Variants in EPS8 observed in about 807,000 individuals in gnomAD.
EPS8 encodes the protein EGFR pathway substrate 8, signaling adaptor, also known as epidermal growth factor receptor kinase substrate 8.
A neutral mutation model predicts 103.8 loss-of-function variants in EPS8; 42 were observed. The ratio of observed to expected loss-of-function variants is 0.40; its 90% confidence interval spans 0.32 to 0.52. EPS8 has a LOEUF of 0.52. EPS8 is among the 20% of genes least tolerant of loss of function. The pLI is 0.40. For missense variants in EPS8, 969 were observed against 1,005.1 expected (o/e 0.96, Z 0.49); for synonymous variants, 344 against 344.6 (o/e 1.00, Z 0.02).
intron 1 of EPS8, among the ~76,000 whole-genome samples, chr12:15,703,994 C>G (rs773561836): frequency 1.6e-4 from 25 of 151,924 alleles, no homozygotes; most frequent in Non-Finnish European, 3.4e-4. Context: ...AGAGACCACA[C>G]TTCCTAGAAT....
intron 9 of EPS8, among the ~76,000 whole-genome samples, chr12:15,661,597 G>A (rs932246766): frequency 6.6e-6 from 1 of 152,000 alleles, no homozygotes; most frequent in South Asian, 2.1e-4. Context: ...AAAGCTTTAC[G>A]ATTTACAAAT....
intron 1 of EPS8, among the ~76,000 whole-genome samples, chr12:15,743,965 T>C (rs1486235897): frequency 1.3e-5 from 2 of 151,850 alleles, no homozygotes; most frequent in African/African-American, 4.8e-5. Context: ...ACCATCAGAG[T>C]CAACAGGCAA....
In EPS8 at chr12:15,642,878, G is replaced by C. The variant is rs568122787; in HGVS notation, c.1569-1048C>G. Among the ~76,000 whole-genome samples, 4 of 152,260 alleles carry C rather than the reference G, an allele frequency of 2.6e-5. No individual in the cohort carries two copies. The East Asian group carries it at 7.7e-4, about 29-fold the overall frequency. On this transcript the variant is annotated intron_variant, in intron 15 of 20. Coordinates refer to ENST00000281172, the MANE Select transcript of EPS8 (RefSeq NM_004447.6). Reference sequence around the variant, plus strand: ...CCTCTTAGGTAGTAACTCCATTGGAGGAGGGAGACAGGGACAAAGCAAAAA... The same window carrying C: ...CCTCTTAGGTAGTAACTCCATTGGACGAGGGAGACAGGGACAAAGCAAAAA...
In EPS8 at chr12:15,701,175, A is replaced by G. The variant is rs1946307192; in HGVS notation, c.-21-18203T>C. ...GAATCAACTGTGTCACCAATATTTA[A>G]TAATAATTTACAAAAACAATAACAC... is the stretch of plus-strand genomic sequence containing the variant. On this transcript the variant is annotated intron_variant, in intron 1 of 20. Coordinates refer to ENST00000281172, the MANE Select transcript of EPS8 (RefSeq NM_004447.6). The surrounding 1 kb of genome is among the most constrained non-coding windows in gnomAD (Gnocchi z 5.1). Among the ~76,000 whole-genome samples the G allele has an allele frequency of 6.6e-6, 1 of 152,248 alleles. No individual in the cohort carries two copies. The highest frequency in any genetic ancestry group is 6.5e-5 in the Admixed American group (1 of 15,282).
At chr12:15,686,637 T>G (rs1008292490) in intron 1 of EPS8, among the ~76,000 whole-genome samples, 1 of 152,148 alleles carries the variant, frequency 6.6e-6, no homozygotes, top group Non-Finnish European at 1.5e-5. Flanking sequence ...AAAAAATGAC[T>G]AAGAAGAAAT....
intron 18 of EPS8, among the ~76,000 whole-genome samples, chr12:15,626,729 AC>A (rs1429746345): frequency 2.0e-5 from 3 of 151,196 alleles, no homozygotes; most frequent in Non-Finnish European, 2.9e-5. Context: ...GCCCTACAAG[AC>A]CTCCACCACT....
chr12:15,658,710 C>T (rs538029725), intron 10 of EPS8, 125 bp from the exon 11 acceptor site: 7 of 673,416 alleles, frequency 1.0e-5, no homozygotes, highest in Admixed American at 2.4e-5. Flanking sequence ...ACCTAGTTAC[C>T]GTGCTACATC....
chr12:15,670,990 T>C (rs1176963644), intron 3 of EPS8, 67 bp from the exon 4 acceptor site: 32 of 1,151,346 alleles, frequency 2.8e-5, no homozygotes, highest in Non-Finnish European at 3.8e-5. Flanking sequence ...GTTGGTATCA[T>C]GTGGCTATCT....
In EPS8 at chr12:15,764,238, G is replaced by A. The variant is rs1354178914; in HGVS notation, c.-22+24923C>T. Among the ~76,000 whole-genome samples the A allele has an allele frequency of 6.6e-6, 1 of 152,104 alleles. No individual in the cohort carries two copies. Among genetic ancestry groups the A allele is most frequent in the Non-Finnish European group, 1.5e-5 (1 of 68,010 alleles). Reference sequence around the variant, plus strand: ...TTCACTGTCACAAGAACAGCACCACGGGAAAGACCCACCCCCATGATTCAG... The same window carrying A: ...TTCACTGTCACAAGAACAGCACCACAGGAAAGACCCACCCCCATGATTCAG... On this transcript the variant is annotated intron_variant, in intron 1 of 20. Transcript: ENST00000281172. This position sits in a 1 kb window ranked among gnomAD's most constrained non-coding sequence, Gnocchi z 4.1.
In EPS8 at chr12:15,776,492, C is replaced by T. The variant is rs967452320; in HGVS notation, c.-22+12669G>A. ...ACCTAGATTGGCCTCTATGCATCAGCAAGCATTTGTTACACCTAATACCCA... is the reference window on the plus strand; with the variant it reads ...ACCTAGATTGGCCTCTATGCATCAGTAAGCATTTGTTACACCTAATACCCA... On this transcript the variant is annotated intron_variant, in intron 1 of 20. Coordinates refer to ENST00000281172, the MANE Select transcript of EPS8 (RefSeq NM_004447.6). This position sits in a 1 kb window ranked among gnomAD's most constrained non-coding sequence, Gnocchi z 4.2. Among the ~76,000 whole-genome samples the T allele has an allele frequency of 2.0e-5, 3 of 152,170 alleles. No homozygotes were observed. Among genetic ancestry groups the T allele is most frequent in the African/African-American group, 7.2e-5 (3 of 41,438 alleles).
chr12:15,655,603 G>A (rs548611114), intron 12 of EPS8, among the ~76,000 whole-genome samples: 9 of 152,172 alleles, frequency 5.9e-5, no homozygotes, highest in East Asian at 1.9e-4. Flanking sequence ...AACCTCGAAC[G>A]CATTTCCAAT....
rs1659294415 is a variant in EPS8, at chr12:15,778,762, G to A, written c.-22+10399C>T. ...ATATAAACATAAACAAGCTGTTCAT[G>A]CCTTTATGGGGGGAATAAAGGTAGT... On this transcript the variant is annotated intron_variant, in intron 1 of 20. Transcript: ENST00000281172. The surrounding 1 kb of genome is among the most constrained non-coding windows in gnomAD (Gnocchi z 4.5). Among the ~76,000 whole-genome samples, 5 of 152,180 alleles carry A rather than the reference G, an allele frequency of 3.3e-5. No individual in the cohort carries two copies. In the South Asian group the frequency reaches 1.0e-3, roughly 32 times the overall value.
At chr12:15,741,236 G>A (rs1452945149) in intron 1 of EPS8, among the ~76,000 whole-genome samples, 1 of 152,124 alleles carries the variant, frequency 6.6e-6, no homozygotes, top group Non-Finnish European at 1.5e-5. Flanking sequence ...AAGTCCAATG[G>A]GGTAACAGAG....
chr12:15,667,922 G>A (rs142613769), intron 6 of EPS8, among the ~76,000 whole-genome samples: 4 of 152,168 alleles, frequency 2.6e-5, no homozygotes, highest in African/African-American at 9.6e-5. Flanking sequence ...CAAGCCATTT[G>A]TTCCCAAACC....
At chr12:15,664,004 C>T (rs1159455116) in intron 8 of EPS8, among the ~76,000 whole-genome samples, 1 of 128,884 alleles carries the variant, frequency 7.8e-6, no homozygotes, top group Non-Finnish European at 1.6e-5. Context: ...TATGGTTCAA[C>T]ATATAATATA....
chr12:15,739,692 T>A (rs1946800527), intron 1 of EPS8, among the ~76,000 whole-genome samples: 1 of 152,164 alleles, frequency 6.6e-6, no homozygotes, highest in African/African-American at 2.4e-5. Flanking sequence ...GTTCTCCAGC[T>A]TGCAGATGGC....
chr12:15,642,427 CACTATAAACTTTTAAA>C (rs1325866966), intron 15 of EPS8, among the ~76,000 whole-genome samples: 1 of 151,924 alleles, frequency 6.6e-6, no homozygotes, highest in Non-Finnish European at 1.5e-5. Flanking sequence ...TAATTTAATT[CACTATAAACTTTTAAA>C]AAGTGTATGG....
intron 1 of EPS8, among the ~76,000 whole-genome samples, chr12:15,705,815 A>G (rs1946378472): frequency 6.6e-6 from 1 of 152,172 alleles, no homozygotes; most frequent in Admixed American, 6.5e-5. Flanking sequence ...CACTAACCTC[A>G]ACGGCTAGCC....
intron 17 of EPS8, among the ~76,000 whole-genome samples, chr12:15,638,054 AT>A (rs954178811): frequency 5.9e-5 from 9 of 152,176 alleles, no homozygotes; most frequent in African/African-American, 1.9e-4. Flanking sequence ...CTACATAAAT[AT>A]GGTGGTATCT....
Sources: allele counts gnomAD v4.1 joint callset (sites outside exome capture counted in the v4.1 genomes callset), GRCh38; gene constraint gnomAD v4.1.1; non-coding constraint Gnocchi (gnomAD v3.1); transcripts MANE v1.5; gene names NCBI Gene and HGNC (gene_info 2026-07-23, HGNC 2026-07-21).